Variants in FBXL7 observed in about 807,000 individuals in gnomAD.
FBXL7 encodes the protein F-box/LRR-repeat protein 7.
Under a neutral mutation model 38.3 loss-of-function variants are expected in FBXL7, and 12 were observed. The ratio of observed to expected loss-of-function variants is 0.31; its 90% CI spans 0.20 to 0.51. The LOEUF (loss-of-function observed/expected upper bound fraction) is 0.51, where lower values mean the gene tolerates loss of function less well. Ranked by LOEUF, FBXL7 falls within the 20% of genes least tolerant of loss-of-function variation. The pLI, the probability that FBXL7 is intolerant of heterozygous loss-of-function variation, is 0.98. For missense variants in FBXL7, 567 were observed against 676.4 expected, an observed-to-expected ratio of 0.84 and a Z score of 1.79; for synonymous variants, 297 against 300.9, an observed-to-expected ratio of 0.99 and a Z score of 0.13.
chr5:15,542,656 C>T (rs1737787652), intron 1 of FBXL7, among the ~76,000 whole-genome samples: 1 of 152,154 alleles, frequency 6.6e-6, no homozygotes, highest in Non-Finnish European at 1.5e-5. Flanking sequence ...CCCTAAATCA[C>T]AAATGACCTT....
At chr5:15,864,472 C>G (rs1739619622) in intron 2 of FBXL7, among the ~76,000 whole-genome samples, 1 of 151,942 alleles carries the variant, frequency 6.6e-6, no homozygotes, top group African/African-American at 2.4e-5. Context: ...ACTAAGACAC[C>G]ATTTCCAGAA....
chr5:15,634,945 A>G (rs1440336680), intron 2 of FBXL7, among the ~76,000 whole-genome samples: 1 of 152,214 alleles, frequency 6.6e-6, no homozygotes, highest in African/African-American at 2.4e-5. Flanking sequence ...TAATCTCACC[A>G]TCTCATGATC....
chr5:15,603,282 A>G (rs543865010), intron 1 of FBXL7, among the ~76,000 whole-genome samples: 3 of 152,260 alleles, frequency 2.0e-5, no homozygotes, highest in Non-Finnish European at 2.9e-5. Flanking sequence ...ATTAAATTGA[A>G]TTATTGATTA....
intron 2 of FBXL7, among the ~76,000 whole-genome samples, chr5:15,758,102 C>A (rs1020349717): frequency 6.6e-6 from 1 of 152,034 alleles, no homozygotes; most frequent in Non-Finnish European, 1.5e-5. Flanking sequence ...ACCACCAAGT[C>A]CAGGGTGTCC....
chr5:15,652,743 TAGAG>T (rs1384889436), intron 2 of FBXL7, among the ~76,000 whole-genome samples: 2 of 152,220 alleles, frequency 1.3e-5, no homozygotes, highest in African/African-American at 4.8e-5. Flanking sequence ...TCTTAGGCAA[TAGAG>T]AGAACTAAGA....
chr5:15,735,093 G>A (rs556522421), intron 2 of FBXL7, among the ~76,000 whole-genome samples: 14 of 152,202 alleles, frequency 9.2e-5, no homozygotes, highest in African/African-American at 1.4e-4. Context: ...CACCATGCCC[G>A]GCTAATTTTT....
At chr5:15,816,895 C>T (rs569634833) in intron 2 of FBXL7, among the ~76,000 whole-genome samples, 11 of 152,270 alleles carry the variant, frequency 7.2e-5, no homozygotes, top group Admixed American at 1.3e-4. Flanking sequence ...CTTTTGTCAA[C>T]AAAACAAATC....
At chr5:15,601,305 T>C (rs1311506340) in intron 1 of FBXL7, among the ~76,000 whole-genome samples, 1 of 152,138 alleles carries the variant, frequency 6.6e-6, no homozygotes, top group African/African-American at 2.4e-5. Context: ...ATTGTAGTGA[T>C]GTTATTAGCG....
chr5:15,787,054 G>A (rs561409547), intron 2 of FBXL7, among the ~76,000 whole-genome samples: 37 of 152,284 alleles, frequency 2.4e-4, no homozygotes, highest in African/African-American at 7.9e-4. Flanking sequence ...TCAAGGAACA[G>A]CTGGGGCCAC....
chr5:15,612,527 T>G (rs1740282038), intron 1 of FBXL7, among the ~76,000 whole-genome samples: 1 of 152,084 alleles, frequency 6.6e-6, no homozygotes. Flanking sequence ...ATTTGTTGTT[T>G]TATTTTGTGC....
intron 1 of FBXL7, among the ~76,000 whole-genome samples, chr5:15,592,020 C>T (rs562129219): frequency 8.5e-5 from 13 of 152,228 alleles, no homozygotes; most frequent in Non-Finnish European, 1.8e-4. Flanking sequence ...TTGGCCACAT[C>T]TTTAGCCATC....
At chr5:15,648,469 A>G (rs767418648) in intron 2 of FBXL7, among the ~76,000 whole-genome samples, 3 of 152,194 alleles carry the variant, frequency 2.0e-5, no homozygotes, top group Non-Finnish European at 2.9e-5. Flanking sequence ...GTAGCATAAC[A>G]TGGCTATTTC....
chr5:15,533,421 G>A (rs1580355541), intron 1 of FBXL7, among the ~76,000 whole-genome samples: 1 of 152,154 alleles, frequency 6.6e-6, no homozygotes, highest in Non-Finnish European at 1.5e-5. Context: ...TGTTTACTTG[G>A]TGGGGAGCCA....
intron 1 of FBXL7, among the ~76,000 whole-genome samples, chr5:15,554,323 A>T (rs938680441): frequency 2.6e-5 from 4 of 152,180 alleles, no homozygotes; most frequent in Admixed American, 2.0e-4. Flanking sequence ...CAATTCAAGC[A>T]GATCCCTGTC....
chr5:15,816,171 C>T (rs1435293633), intron 2 of FBXL7, among the ~76,000 whole-genome samples: 1 of 152,006 alleles, frequency 6.6e-6, no homozygotes, highest in Non-Finnish European at 1.5e-5. Context: ...ATGTTTATCA[C>T]AGCACAATTC....
At chr5:15,658,306 T>C (rs1741944586) in intron 2 of FBXL7, among the ~76,000 whole-genome samples, 1 of 152,204 alleles carries the variant, frequency 6.6e-6, no homozygotes, top group African/African-American at 2.4e-5. Flanking sequence ...TGTTTGAAAC[T>C]AAGAATTTTG....
chr5:15,632,956 A>G (rs1250037994), intron 2 of FBXL7, among the ~76,000 whole-genome samples: 1 of 152,210 alleles, frequency 6.6e-6, no homozygotes, highest in African/African-American at 2.4e-5. Context: ...CACACAATAT[A>G]CCCAAGTAAC....
intron 2 of FBXL7, among the ~76,000 whole-genome samples, chr5:15,778,115 A>G (rs2126717984): frequency 6.6e-6 from 1 of 152,240 alleles, no homozygotes; most frequent in East Asian, 1.9e-4. Flanking sequence ...TAATGGGAAG[A>G]CATCATGGTA....
chr5:15,866,187 G>T (rs1368844633), intron 2 of FBXL7, among the ~76,000 whole-genome samples: 1 of 152,160 alleles, frequency 6.6e-6, no homozygotes, highest in Non-Finnish European at 1.5e-5. Context: ...ATGAAACAGA[G>T]GTAGATTTTG....
Sources: gnomAD v4.1 joint callset for allele counts (sites outside exome capture counted in the v4.1 genomes callset) on GRCh38, gnomAD v4.1.1 for gene constraint, MANE v1.5 for transcripts, NCBI Gene and HGNC (gene_info 2026-07-23, HGNC 2026-07-21) for gene names.